Variants in LMO7 observed in about 807,000 individuals in gnomAD.
LMO7 encodes the protein LIM domain only protein 7.
Under a neutral mutation model 206.5 loss-of-function variants are expected in LMO7, and 120 were observed. The observed-to-expected ratio is 0.58, with a 90% confidence interval of 0.50 to 0.68. The LOEUF (loss-of-function observed/expected upper bound fraction) is 0.68, where lower values mean the gene tolerates loss of function less well. Ranked by LOEUF, LMO7 falls within the 30% of genes least tolerant of loss-of-function variation. The pLI, the probability that LMO7 is intolerant of heterozygous loss-of-function variation, is 0.00. For missense variants in LMO7, 1,959 were observed against 1,957.9 expected (o/e 1.00, Z -0.01); for synonymous variants, 706 against 681.5 (o/e 1.04, Z -0.56).
chr13:75,762,752 C>T (rs548535809), intron 4 of LMO7, among the ~76,000 whole-genome samples: 1 of 152,246 alleles, frequency 6.6e-6, no homozygotes, highest in South Asian at 2.1e-4. Context: ...CAAGGTGTGC[C>T]TAAGTAGTAC....
intron 2 of LMO7, among the ~76,000 whole-genome samples, chr13:75,722,029 C>T (rs939056917): frequency 6.6e-6 from 1 of 152,142 alleles, no homozygotes; most frequent in African/African-American, 2.4e-5. Context: ...ACTGGATCCT[C>T]ATCTCTCACC....
intron 6 of LMO7, among the ~76,000 whole-genome samples, chr13:75,798,474 A>T (rs905847722): frequency 6.6e-6 from 1 of 152,250 alleles, no homozygotes; most frequent in Non-Finnish European, 1.5e-5. Context: ...TACAGTGTCT[A>T]TGCCAGGAAT....
Position 75,836,387 on chromosome 13 carries a change from C to T in LMO7, c.3334-10C>T. ...GAGAGAATATTAACTAGCATTTTTACCCTTTCCAGAATATTGAATCCAAAG... is the reference window on the plus strand; with the variant it reads ...GAGAGAATATTAACTAGCATTTTTATCCTTTCCAGAATATTGAATCCAAAG... On this transcript the variant is annotated splice_polypyrimidine_tract_variant and intron_variant, in intron 18 of 30. Transcript: ENST00000377534. 1 of 1,492,396 alleles carries T rather than the reference C, an allele frequency of 6.7e-7. No individual in the cohort carries two copies. The highest frequency in any genetic ancestry group is 9.2e-7 in the Non-Finnish European group (1 of 1,086,960). The allele number at this position is 1,492,396 out of a possible 1,614,324, so 92.4% of individuals were successfully genotyped here. A position where few individuals can be genotyped will look rare whatever the true frequency, so the allele number is the denominator to read the frequency against.
At position 75,849,245 on chromosome 13, in the gene LMO7, T is replaced by C. The variant is rs757687767; in HGVS notation, c.4317T>C (p.Ser1439=). Residue 1439 remains serine, a synonymous_variant, in exon 27 of 31, where the codon AGT becomes AGC. Coordinates refer to ENST00000377534, the MANE Select transcript of LMO7 (RefSeq NM_001306080.2). ...ACAACAGCTGGATCCGACAGCGCAGTGCCAGTGTCAACAAAGAGCCTGTTA... is the reference window on the plus strand; with the variant it reads ...ACAACAGCTGGATCCGACAGCGCAGCGCCAGTGTCAACAAAGAGCCTGTTA... The part of the protein sequence containing the change: ...HNDNSWIRQR[S]ASVNKEPVSL... 6.2e-7 allele frequency: 1 copy of C among 1,614,104 alleles called. No homozygotes were observed. Among genetic ancestry groups the C allele is most frequent in the Non-Finnish European group, 8.5e-7 (1 of 1,179,988 alleles).
chr13:75,667,727 G>A (rs973961933), intron 1 of LMO7, among the ~76,000 whole-genome samples: 1 of 152,092 alleles, frequency 6.6e-6, no homozygotes, highest in East Asian at 1.9e-4. Context: ...ATGCTTGCTT[G>A]TTAATTAGGA....
chr13:75,680,768 T>C (rs1220640911), intron 1 of LMO7, among the ~76,000 whole-genome samples: 1 of 152,112 alleles, frequency 6.6e-6, no homozygotes, highest in African/African-American at 2.4e-5. Context: ...CCCCTCCCTG[T>C]GTCCATGTGA....
chr13:75,636,868 C>T (rs991151065), intron 1 of LMO7, 142 bp downstream of exon 1: 2 of 818,534 alleles, frequency 2.4e-6, no homozygotes, highest in Admixed American at 2.2e-5. Flanking sequence ...TTTGCTTGTG[C>T]ACTTTTGGGG....
At chr13:75,818,022 C>T (rs2138252249) in intron 12 of LMO7, among the ~76,000 whole-genome samples, 1 of 152,176 alleles carries the variant, frequency 6.6e-6, no homozygotes, top group South Asian at 2.1e-4. Context: ...GCAAAGGAGT[C>T]AGAGTAAATC....
chr13:75,778,286 G>T (rs1396689309), intron 4 of LMO7, among the ~76,000 whole-genome samples: 6 of 151,980 alleles, frequency 3.9e-5, no homozygotes, highest in African/African-American at 1.4e-4. Flanking sequence ...AGGCTGGAGT[G>T]CAGTGGTGCG....
At chr13:75,673,597 A>G (rs1367211777) in intron 1 of LMO7, among the ~76,000 whole-genome samples, 1 of 152,168 alleles carries the variant, frequency 6.6e-6, no homozygotes, top group Non-Finnish European at 1.5e-5. Context: ...ACATTTTGGG[A>G]CTGGTCTTTA....
exon 1 of LMO7, chr13:75,621,466 TG>T (rs1320921838): frequency 3.8e-6 from 1 of 262,190 alleles, no homozygotes; most frequent in Non-Finnish European, 7.1e-6. Flanking sequence ...CTTTTACTCT[TG>T]GGGGCAAAGA....
intron 4 of LMO7, among the ~76,000 whole-genome samples, chr13:75,779,606 A>G (rs2051011186): frequency 6.6e-6 from 1 of 152,180 alleles, no homozygotes; most frequent in Admixed American, 6.5e-5. Flanking sequence ...ATATTCTGAA[A>G]TTCCAAGTGT....
At chr13:75,776,162 GAT>G (rs58964680) in intron 4 of LMO7, among the ~76,000 whole-genome samples, 710 of 36,598 alleles carry the variant, frequency 0.019, 14 homozygotes, top group Middle Eastern at 0.038. Context: ...ATATATATCG[GAT>G]ATATATATAT....
chr13:75,626,595 A>ATATATATATATATATATTTTTTT lies in LMO7; in HGVS notation c.225+3276_225+3277insATATATATATATATATTTTTTTT. 2.2e-3 allele frequency among the ~76,000 whole-genome samples: 157 copies of ATATATATATATATATATTTTTTT among 71,112 alleles called. 12 individuals are homozygous for ATATATATATATATATATTTTTTT. The highest frequency in any genetic ancestry group is 5.1e-3 in the Non-Finnish European group (141 of 27,548). The allele number at this position is 71,112 out of a possible 152,430, so 46.7% of individuals were successfully genotyped here. ...ATATATATTATATATATATATATAA[A>ATATATATATATATATATTTTTTT]TTTTTTTGAGACAGGGTCTCACTCT... On this transcript the variant is annotated intron_variant, in intron 2 of 29. Coordinates refer to the LMO7 transcript ENST00000341547.
intron 1 of LMO7, among the ~76,000 whole-genome samples, chr13:75,704,571 A>G (rs1467279569): frequency 6.6e-6 from 1 of 152,208 alleles, no homozygotes; most frequent in African/African-American, 2.4e-5. Context: ...TATGGTGGAG[A>G]GTGCTTTTGG....
At chr13:75,765,575 T>C (rs1843951907) in intron 4 of LMO7, among the ~76,000 whole-genome samples, 1 of 152,102 alleles carries the variant, frequency 6.6e-6, no homozygotes, top group African/African-American at 2.4e-5. Flanking sequence ...GTGAAGTGCT[T>C]ACTGGAAGGG....
chr13:75,800,934 T>C (rs1238786403), intron 7 of LMO7, 52 bp downstream of exon 7: 2 of 1,551,202 alleles, frequency 1.3e-6, no homozygotes, highest in Admixed American at 3.3e-5. Context: ...AAGGGAGAAC[T>C]GGGAACAGGA....
intron 3 of LMO7, among the ~76,000 whole-genome samples, chr13:75,751,568 T>C (rs2047275228): frequency 6.6e-6 from 1 of 152,182 alleles, no homozygotes; most frequent in South Asian, 2.1e-4. Flanking sequence ...CAGGGAACAC[T>C]TCCAGGTGGT....
chr13:75,676,003 G>A (rs1035825327), intron 1 of LMO7, among the ~76,000 whole-genome samples: 4 of 152,076 alleles, frequency 2.6e-5, no homozygotes, highest in East Asian at 1.9e-4. Context: ...AAAACTGCAC[G>A]TTTGTAAAAG....
Sources: allele counts gnomAD v4.1 joint callset (sites outside exome capture counted in the v4.1 genomes callset), GRCh38; gene constraint gnomAD v4.1.1; transcripts MANE v1.5; gene names NCBI Gene and HGNC (gene_info 2026-07-23, HGNC 2026-07-21).